MFHAS1: variants seen among roughly 807,000 people sequenced by gnomAD.
The protein encoded by MFHAS1 is malignant fibrous histiocytoma-amplified sequence 1.
MFHAS1 carries 50 observed loss-of-function variants against 70.4 expected under a neutral mutation model. The ratio of observed to expected loss-of-function variants is 0.71; its 90% CI spans 0.57 to 0.90. MFHAS1 has a LOEUF of 0.90. Among genes scored for constraint, MFHAS1 ranks in the 40% least tolerant of loss-of-function variants. The probability of loss-of-function intolerance (pLI) is 0.00; values close to 1 mark genes in which losing one functional copy is unlikely to be tolerated. For synonymous variants in MFHAS1, 952 were observed against 620.0 expected (o/e 1.54, Z -7.96); for missense variants, 1,795 against 1,347.6 (o/e 1.33, Z -5.20).
chr8:8,878,049 T>C (rs1193244556), intron 1 of MFHAS1, among the ~76,000 whole-genome samples: 1 of 152,092 alleles, frequency 6.6e-6, no homozygotes, highest in African/African-American at 2.4e-5. Flanking sequence ...CCTCTGACAC[T>C]CAACTACAGT....
At chr8:8,886,729 C>G (rs141904416) in intron 1 of MFHAS1, among the ~76,000 whole-genome samples, 1 of 152,124 alleles carries the variant, frequency 6.6e-6, no homozygotes, top group African/African-American at 2.4e-5. Context: ...ACTTTTTCAG[C>G]GTTGCATATA....
chr8:8,890,227 AGCAATGGACAG>A lies in MFHAS1; in HGVS notation c.2821_2831del (p.Leu941Ter). 2 of 1,614,168 alleles carry A rather than the reference AGCAATGGACAG, an allele frequency of 1.2e-6. No individual in the cohort carries two copies. Among genetic ancestry groups the A allele is most frequent in the Non-Finnish European group, 1.7e-6 (2 of 1,180,024 alleles). On this transcript the variant is annotated frameshift_variant, in exon 1 of 3. Transcript: ENST00000276282. LOFTEE classifies it high-confidence loss of function. ...ATATATTTGGTAATGATGCATGGCT[AGCAATGGACAG>A]GGTGTCTGGCTGCAGGACTCCCCTG...
chr8:8,855,417 T>A (rs1326978123), intron 1 of MFHAS1, among the ~76,000 whole-genome samples: 1 of 152,256 alleles, frequency 6.6e-6, no homozygotes, highest in Non-Finnish European at 1.5e-5. Context: ...CCAAGCGCTT[T>A]CAAGAACACA....
intron 1 of MFHAS1, among the ~76,000 whole-genome samples, chr8:8,798,962 C>T (rs1350929595): frequency 1.3e-5 from 2 of 151,854 alleles, no homozygotes. Flanking sequence ...GCAGGTGAAT[C>T]GCTTGAACCC....
At chr8:8,883,706 T>TAAAAAAAAAAA (rs1563219802) in intron 1 of MFHAS1, among the ~76,000 whole-genome samples, 2 of 35,708 alleles carry the variant, frequency 5.6e-5, no homozygotes, top group African/African-American at 3.7e-4. Context: ...AGACTCAGTC[T>TAAAAAAAAAAA]CAAAAAAAAA....
chr8:8,880,884 C>A (rs1303308426), intron 1 of MFHAS1, among the ~76,000 whole-genome samples: 1 of 152,024 alleles, frequency 6.6e-6, no homozygotes, highest in African/African-American at 2.4e-5. Context: ...GAGGGTTCAC[C>A]GCATTGGCCA....
intron 1 of MFHAS1, among the ~76,000 whole-genome samples, chr8:8,827,667 T>C (rs865857387): frequency 5.9e-5 from 9 of 152,366 alleles, no homozygotes; most frequent in African/African-American, 1.9e-4. Flanking sequence ...AATATATTAC[T>C]TGTTTTTTGA....
intron 1 of MFHAS1, among the ~76,000 whole-genome samples, chr8:8,837,546 G>C (rs1040547136): frequency 1.3e-5 from 2 of 152,008 alleles, no homozygotes; most frequent in African/African-American, 2.4e-5. Context: ...GAGAGGCTGA[G>C]GCACAAGAAT....
chr8:8,833,128 T>C (rs1807469028), intron 1 of MFHAS1, among the ~76,000 whole-genome samples: 1 of 151,940 alleles, frequency 6.6e-6, no homozygotes, highest in African/African-American at 2.4e-5. Flanking sequence ...CCAGATCCCA[T>C]GAGAATTCAC....
At chr8:8,814,081 G>C (rs551829741) in intron 1 of MFHAS1, among the ~76,000 whole-genome samples, 3 of 151,990 alleles carry the variant, frequency 2.0e-5, no homozygotes, top group Non-Finnish European at 4.4e-5. Context: ...GGGATTACAG[G>C]TGTGTGCCAC....
At chr8:8,854,068 G>T (rs941379808) in intron 1 of MFHAS1, among the ~76,000 whole-genome samples, 1 of 152,176 alleles carries the variant, frequency 6.6e-6, no homozygotes, top group African/African-American at 2.4e-5. Flanking sequence ...TCCTTTGTAA[G>T]TCATGGGCAT....
rs189330553 is a variant in MFHAS1, at chr8:8,843,294, C to A, written c.2999-45803G>T. Among the ~76,000 whole-genome samples the A allele has an allele frequency of 9.2e-3, 1,218 of 133,080 alleles. 17 individuals are homozygous for A. The highest frequency in any genetic ancestry group is 0.036 in the African/African-American group (1,148 of 32,126). The allele number at this position is 133,080 out of a possible 152,430, so 87.3% of individuals were successfully genotyped here. On this transcript the variant is annotated intron_variant, in intron 1 of 2. Transcript: ENST00000276282. The stretch of plus-strand genomic sequence containing the variant: ...CCGTCTCAAAAAAAAAAAAAGAAAG[C>A]GAAAGAGGGCCAGGTGCTGTGACTC...
chr8:8,832,027 C>T (rs1237111969), intron 1 of MFHAS1, among the ~76,000 whole-genome samples: 2 of 148,288 alleles, frequency 1.3e-5, no homozygotes, highest in Admixed American at 1.4e-4. Flanking sequence ...AACCTCAATC[C>T]TTACTTCAAG....
chr8:8,854,226 G>A (rs909142158), intron 1 of MFHAS1, among the ~76,000 whole-genome samples: 5 of 152,022 alleles, frequency 3.3e-5, no homozygotes, highest in African/African-American at 9.7e-5. Context: ...GTGAAACCCC[G>A]TGTCTACTAA....
intron 1 of MFHAS1, among the ~76,000 whole-genome samples, chr8:8,822,769 T>G (rs1165067518): frequency 1.8e-5 from 2 of 108,276 alleles, no homozygotes; most frequent in African/African-American, 7.6e-5. Flanking sequence ...GGGACTGAGA[T>G]GGTGACAGGG....
rs1464624694 is a variant in MFHAS1, at chr8:8,796,853, G to A, written c.3125+512C>T. 6.6e-5 allele frequency among the ~76,000 whole-genome samples: 10 copies of A among 151,250 alleles called. No individual in the cohort carries two copies. In the East Asian group the frequency reaches 1.2e-3, roughly 18 times the overall value. On this transcript the variant is annotated intron_variant, in intron 2 of 2. Coordinates refer to ENST00000276282, the MANE Select transcript of MFHAS1 (RefSeq NM_004225.3). The stretch of plus-strand genomic sequence containing the variant: ...TACTAAAAATACAAAAAAATTAGCT[G>A]GGCATGGTGGTGGGCGCCTGTAGTC...
chr8:8,832,287 C>T (rs1380257000), intron 1 of MFHAS1, among the ~76,000 whole-genome samples: 1 of 152,072 alleles, frequency 6.6e-6, no homozygotes, highest in South Asian at 2.1e-4. Flanking sequence ...AAGCAAGCCA[C>T]CCACTGGGAG....
chr8:8,876,118 C>T (rs556453489), intron 1 of MFHAS1, among the ~76,000 whole-genome samples: 1 of 152,276 alleles, frequency 6.6e-6, no homozygotes, highest in South Asian at 2.1e-4. Context: ...GCATTTAACA[C>T]ATATAACTCA....
chr8:8,853,812 T>C (rs1395562465), intron 1 of MFHAS1, among the ~76,000 whole-genome samples: 1 of 152,146 alleles, frequency 6.6e-6, no homozygotes, highest in Non-Finnish European at 1.5e-5. Context: ...GTGATCCCCC[T>C]ACTTCGGCCT....
Sources: gnomAD v4.1 joint callset for allele counts (sites outside exome capture counted in the v4.1 genomes callset) on GRCh38, gnomAD v4.1.1 for gene constraint, MANE v1.5 for transcripts, NCBI Gene and HGNC (gene_info 2026-07-23, HGNC 2026-07-21) for gene names.